The following ROBO2 variants were observed in gnomAD, a reference collection of about 807,000 sequenced individuals.
ROBO2 encodes roundabout homolog 2.
A neutral mutation model predicts 160.8 loss-of-function variants in ROBO2; 53 were observed. The observed-to-expected ratio is 0.33, with a 90% CI of 0.26 to 0.41. The LOEUF (loss-of-function observed/expected upper bound fraction) is 0.41. ROBO2 is among the 10% of genes least tolerant of loss of function. The probability of loss-of-function intolerance (pLI) is 1.00; values close to 1 mark genes in which losing one functional copy is unlikely to be tolerated. For synonymous variants in ROBO2, 664 were observed against 611.7 expected, an observed-to-expected ratio of 1.09 and a Z score of -1.26; for missense variants, 1,577 against 1,722.4, an observed-to-expected ratio of 0.92 and a Z score of 1.49.
chr3:75,996,747 CTGATATATGTAAAT>C, intron 2 of ROBO2, among the ~76,000 whole-genome samples: 1 of 83,544 alleles, frequency 1.2e-5, no homozygotes, highest in Non-Finnish European at 3.1e-5. Flanking sequence ...ATCATCAATT[CTGATATATGTAAAT>C]CATCAATTCT....
At chr3:76,944,990 G>A (rs1299069039) in intron 2 of ROBO2, among the ~76,000 whole-genome samples, 4 of 151,954 alleles carry the variant, frequency 2.6e-5, no homozygotes, top group Non-Finnish European at 4.4e-5. Context: ...CCGGGTTCAC[G>A]CCATTCTCCT....
At chr3:76,466,560 G>A (rs1021131546) in intron 2 of ROBO2, among the ~76,000 whole-genome samples, 1 of 151,928 alleles carries the variant, frequency 6.6e-6, no homozygotes, top group Non-Finnish European at 1.5e-5. Context: ...TGAAACACTT[G>A]TTGCTCATAA....
intron 2 of ROBO2, among the ~76,000 whole-genome samples, chr3:76,119,204 G>A (rs746299376): frequency 4.6e-5 from 7 of 152,124 alleles, no homozygotes; most frequent in Non-Finnish European, 7.4e-5. Flanking sequence ...CTTTTCTAAA[G>A]TAATAGATGA....
At chr3:77,546,946 C>A (rs1416550163) in intron 7 of ROBO2, among the ~76,000 whole-genome samples, 1 of 152,068 alleles carries the variant, frequency 6.6e-6, no homozygotes, top group Non-Finnish European at 1.5e-5. Flanking sequence ...TTAAAGCATG[C>A]TTCCATTTAA....
intron 2 of ROBO2, among the ~76,000 whole-genome samples, chr3:77,202,926 G>C (rs551003284): frequency 6.6e-6 from 1 of 152,160 alleles, no homozygotes; most frequent in Non-Finnish European, 1.5e-5. Flanking sequence ...CTGTGGTTCC[G>C]AACTTTTCCA....
rs952683801 is a variant in ROBO2 at position 76,318,698 on chromosome 3, G to A, written c.109+381096G>A. 4.6e-5 allele frequency among the ~76,000 whole-genome samples: 7 copies of A among 151,930 alleles called. No homozygotes were observed. The East Asian group carries it at 1.4e-3, about 29-fold the overall frequency. On this transcript the variant is annotated intron_variant, in intron 2 of 26. Coordinates refer to the ROBO2 transcript ENST00000487694. The stretch of plus-strand genomic sequence containing the variant: ...AGCTATAAAATTTTTGCTTCAGGGT[G>A]GACCATGGCTAATATTAGGTCTTAG...
At chr3:77,435,879 GCA>G (rs1491443819) in intron 2 of ROBO2, among the ~76,000 whole-genome samples, 1 of 151,296 alleles carries the variant, frequency 6.6e-6, no homozygotes, top group Non-Finnish European at 1.5e-5. Flanking sequence ...GGTTTACTGT[GCA>G]AAAAAATCAT....
At chr3:75,977,103 T>C (rs1024333734) in intron 2 of ROBO2, among the ~76,000 whole-genome samples, 8 of 151,764 alleles carry the variant, frequency 5.3e-5, no homozygotes, top group Admixed American at 5.3e-4. Flanking sequence ...CATAGAATTA[T>C]ATGATATGGT....
In ROBO2 at chr3:77,234,991, C is replaced by T. The variant is rs1580245652; in HGVS notation, c.388+136651C>T. Among the ~76,000 whole-genome samples, 3 of 151,854 alleles carry T rather than the reference C, an allele frequency of 2.0e-5. No individual in the cohort carries two copies. The South Asian group carries it at 6.2e-4, about 31-fold the overall frequency. On this transcript the variant is annotated intron_variant, in intron 2 of 25. Coordinates refer to ENST00000461745, the Ensembl canonical transcript of ROBO2. ...TGTGAAGATATATATATAATTTTAG[C>T]GTACAAAAGTGAAGCAGTTTTGTGA...
In ROBO2 at chr3:76,166,132, T is replaced by C. The variant is rs551826377; in HGVS notation, c.109+228530T>C. On this transcript the variant is annotated intron_variant, in intron 2 of 26. Transcript: ENST00000487694. ...AAAAAAAATAGAGCCAATAGACTTG[T>C]TGGACACAATGTTACCACAACCTTC... Among the ~76,000 whole-genome samples the C allele has an allele frequency of 5.9e-5, 9 of 152,212 alleles. 2 individuals are homozygous for C. In the South Asian group the frequency reaches 1.9e-3, roughly 32 times the overall value.
chr3:76,343,196 A>G (rs960765971), intron 2 of ROBO2, among the ~76,000 whole-genome samples: 2 of 152,138 alleles, frequency 1.3e-5, no homozygotes, highest in Admixed American at 6.6e-5. Context: ...TTATTGAATA[A>G]AACTCTCACA....
At chr3:77,139,788 G>C (rs2076560372) in intron 2 of ROBO2, among the ~76,000 whole-genome samples, 1 of 152,196 alleles carries the variant, frequency 6.6e-6, no homozygotes, top group Non-Finnish European at 1.5e-5. Context: ...AGCAGCCGCA[G>C]TAGCAGCTGC....
intron 1 of ROBO2, among the ~76,000 whole-genome samples, chr3:77,055,982 A>C (rs2065705166): frequency 6.6e-6 from 1 of 152,232 alleles, no homozygotes; most frequent in Non-Finnish European, 1.5e-5. Flanking sequence ...GCACAATACC[A>C]GCAATGTCTT....
At chr3:76,901,714 G>T (rs903186727) in intron 2 of ROBO2, among the ~76,000 whole-genome samples, 3 of 151,740 alleles carry the variant, frequency 2.0e-5, no homozygotes, top group Admixed American at 1.3e-4. Context: ...TTACCCAGAT[G>T]CTTAAGAACA....
chr3:76,887,964 A>G (rs532898115), intron 2 of ROBO2, among the ~76,000 whole-genome samples: 1 of 152,308 alleles, frequency 6.6e-6, no homozygotes, highest in Non-Finnish European at 1.5e-5. Flanking sequence ...TTAATCATCT[A>G]ATTTTAGGGA....
At chr3:76,289,944 G>A (rs1249393535) in intron 2 of ROBO2, among the ~76,000 whole-genome samples, 2 of 152,018 alleles carry the variant, frequency 1.3e-5, no homozygotes, top group South Asian at 2.1e-4. Flanking sequence ...GGCATTGTTC[G>A]TTTTGCTTAG....
chr3:76,703,782 G>A (rs1158909790), intron 2 of ROBO2, among the ~76,000 whole-genome samples: 1 of 152,054 alleles, frequency 6.6e-6, no homozygotes, highest in African/African-American at 2.4e-5. Context: ...GTTTGGATTG[G>A]TTCCAACTCT....
intron 2 of ROBO2, among the ~76,000 whole-genome samples, chr3:77,406,647 A>AGGG (rs1466943244): frequency 2.0e-5 from 3 of 152,128 alleles, no homozygotes; most frequent in Non-Finnish European, 2.9e-5. Context: ...AAGATATTAA[A>AGGG]ATATATTTAC....
rs1005357786 is a variant in ROBO2, at chr3:76,140,060, T to G, written c.109+202458T>G. ...TGACTGCGTCATTTTGGTTTTACCA[T>G]AAATAATAATGTATATTGCCCATGT... On this transcript the variant is annotated intron_variant, in intron 2 of 26. Coordinates refer to the ROBO2 transcript ENST00000487694. Among the ~76,000 whole-genome samples, 3 of 151,706 alleles carry G rather than the reference T, an allele frequency of 2.0e-5. No individual in the cohort carries two copies. The East Asian group carries it at 5.8e-4, about 29-fold the overall frequency.
Sources: gnomAD v4.1 joint callset for allele counts (sites outside exome capture counted in the v4.1 genomes callset) on GRCh38, gnomAD v4.1.1 for gene constraint, MANE v1.5 for transcripts, NCBI Gene and HGNC (gene_info 2026-07-23, HGNC 2026-07-21) for gene names.